Variants in TRDN observed in about 807,000 individuals in gnomAD.
TRDN encodes the protein triadin, also known as triadin in skeletal muscle.
TRDN carries 161 observed loss-of-function variants against 149.7 expected under a neutral mutation model. The observed-to-expected ratio is 1.08, with a 90% CI of 0.95 to 1.23. TRDN has a LOEUF of 1.23. TRDN is among the 50% of genes most tolerant of loss of function. TRDN has a pLI of 0.00. For missense variants in TRDN, 896 were observed against 823.5 expected, an observed-to-expected ratio of 1.09 and a Z score of -1.08; for synonymous variants, 294 against 250.5, an observed-to-expected ratio of 1.17 and a Z score of -1.64.
chr6:123,557,703 C>T (rs1781748014), intron 2 of TRDN, among the ~76,000 whole-genome samples: 1 of 152,040 alleles, frequency 6.6e-6, no homozygotes, highest in Non-Finnish European at 1.5e-5. Context: ...TGTCTTGGTC[C>T]TTCACCCTTA....
intron 24 of TRDN, 40 bp downstream of exon 24, chr6:123,316,417 G>A (rs377008785): frequency 3.2e-6 from 5 of 1,583,432 alleles, no homozygotes; most frequent in African/African-American, 2.7e-5. Flanking sequence ...CAACCAAACA[G>A]AACATCTCCT....
At chr6:123,554,776 G>T (rs1194597269) in intron 2 of TRDN, among the ~76,000 whole-genome samples, 3 of 152,138 alleles carry the variant, frequency 2.0e-5, no homozygotes, top group Non-Finnish European at 2.9e-5. Flanking sequence ...ATCTGAAGTG[G>T]TGGGTCAGTA....
At chr6:123,303,528 A>G (rs1313600504) in intron 24 of TRDN, among the ~76,000 whole-genome samples, 1 of 152,188 alleles carries the variant, frequency 6.6e-6, no homozygotes, top group East Asian at 1.9e-4. Flanking sequence ...GTTTACCGCT[A>G]GAAAGTCATG....
Position 123,216,377 on chromosome 6 carries a change from T to G in TRDN, c.*2224A>C, listed in dbSNP as rs535688833. 6.6e-6 allele frequency: 1 copy of G among 151,948 alleles called. No individual in the cohort carries two copies. Among genetic ancestry groups the G allele is most frequent in the African/African-American group, 2.4e-5 (1 of 41,424 alleles). 9.4% of individuals were successfully genotyped at this position (151,948 alleles called of 1,614,324 possible). A position where few individuals can be genotyped will look rare whatever the true frequency, so the allele number is the denominator to read the frequency against. On this transcript the variant is annotated 3_prime_UTR_variant, in exon 41 of 41. Coordinates refer to ENST00000334268, the MANE Select transcript of TRDN (RefSeq NM_006073.4). Reference sequence around the variant, plus strand: ...AACTATTTTATTAGACGGTAATATATAAACAAATGACAGTTCAGATAATAT... The same window carrying G: ...AACTATTTTATTAGACGGTAATATAGAAACAAATGACAGTTCAGATAATAT...
chr6:123,490,649 C>T (rs1031888424), intron 9 of TRDN, among the ~76,000 whole-genome samples: 2 of 152,104 alleles, frequency 1.3e-5, no homozygotes, highest in Non-Finnish European at 2.9e-5. Context: ...GCTAAAAGAG[C>T]ATGTCACAGT....
chr6:123,382,384 G>C (rs1050781373), intron 14 of TRDN, among the ~76,000 whole-genome samples: 1 of 151,058 alleles, frequency 6.6e-6, no homozygotes, highest in African/African-American at 2.4e-5. Flanking sequence ...ATTTTATAAA[G>C]AATATAAAAC....
At chr6:123,227,740 T>C (rs1775436539) in intron 38 of TRDN, among the ~76,000 whole-genome samples, 1 of 137,654 alleles carries the variant, frequency 7.3e-6, no homozygotes, top group South Asian at 2.4e-4. Flanking sequence ...TTTGTTTGTT[T>C]GTTTGTTTGT....
At chr6:123,460,753 T>A (rs977397593) in intron 10 of TRDN, among the ~76,000 whole-genome samples, 2 of 152,116 alleles carry the variant, frequency 1.3e-5, no homozygotes, top group East Asian at 1.9e-4. Flanking sequence ...TAGAATATTG[T>A]CTTCAGATGC....
chr6:123,276,069 C>T (rs185929742), intron 26 of TRDN, among the ~76,000 whole-genome samples: 37 of 152,160 alleles, frequency 2.4e-4, no homozygotes, highest in Admixed American at 1.8e-3. Flanking sequence ...GAACACTGCA[C>T]GGAGCCTCTT....
intron 24 of TRDN, among the ~76,000 whole-genome samples, chr6:123,283,384 A>T (rs1777670783): frequency 6.6e-6 from 1 of 151,930 alleles, no homozygotes; most frequent in African/African-American, 2.4e-5. Flanking sequence ...ACAAATAGAC[A>T]ATCTAAGGTC....
chr6:123,344,294 A>G (rs981943909), intron 21 of TRDN, among the ~76,000 whole-genome samples: 4 of 152,032 alleles, frequency 2.6e-5, no homozygotes, highest in Non-Finnish European at 5.9e-5. Flanking sequence ...ACCAAAGTCC[A>G]TAGTTTACAT....
intron 38 of TRDN, among the ~76,000 whole-genome samples, chr6:123,231,358 G>GT (rs962127889): frequency 5.9e-5 from 9 of 152,020 alleles, no homozygotes; most frequent in African/African-American, 2.2e-4. Context: ...GATCAAAGAA[G>GT]TTTTTTATGG....
At chr6:123,433,162 A>ATT (rs796874348) in intron 12 of TRDN, among the ~76,000 whole-genome samples, 17 of 80,034 alleles carry the variant, frequency 2.1e-4, no homozygotes, top group South Asian at 9.7e-4. Flanking sequence ...ATATATATAT[A>ATT]ATATATATAT....
chr6:123,237,409 C>T (rs556406312), intron 38 of TRDN, among the ~76,000 whole-genome samples: 19 of 152,048 alleles, frequency 1.2e-4, no homozygotes, highest in Non-Finnish European at 2.1e-4. Context: ...GCCACCATGC[C>T]CGGCTAATTT....
At chr6:123,561,529 G>C (rs1781999466) in intron 2 of TRDN, among the ~76,000 whole-genome samples, 1 of 151,528 alleles carries the variant, frequency 6.6e-6, no homozygotes, top group Non-Finnish European at 1.5e-5. Flanking sequence ...CAAAAACTTG[G>C]ATAGAGCCTA....
intron 21 of TRDN, among the ~76,000 whole-genome samples, chr6:123,346,873 G>A (rs1184400490): frequency 6.6e-6 from 1 of 151,844 alleles, no homozygotes; most frequent in African/African-American, 2.4e-5. Flanking sequence ...CAGAAAGACT[G>A]GCAAACTCGA....
At chr6:123,341,536 T>TA (rs113229693) in intron 21 of TRDN, among the ~76,000 whole-genome samples, 12,941 of 151,860 alleles carry the variant, frequency 0.085, 1,790 homozygotes, top group African/African-American at 0.29. Context: ...GCAACCTGTG[T>TA]AATCCTCTAT....
chr6:123,519,472 G>GT (rs1779567189), intron 5 of TRDN, among the ~76,000 whole-genome samples: 1 of 78,014 alleles, frequency 1.3e-5, no homozygotes, highest in African/African-American at 3.6e-5. Context: ...CTGACCCTGT[G>GT]GTTTTTTTTT....
chr6:123,395,192 C>A (rs1772670717), intron 12 of TRDN, among the ~76,000 whole-genome samples: 1 of 152,004 alleles, frequency 6.6e-6, no homozygotes, highest in Non-Finnish European at 1.5e-5. Flanking sequence ...AAATTTGCAG[C>A]CAATTTTCCT....
Sources: gnomAD v4.1 joint callset for allele counts (sites outside exome capture counted in the v4.1 genomes callset) on GRCh38, gnomAD v4.1.1 for gene constraint, MANE v1.5 for transcripts, NCBI Gene and HGNC (gene_info 2026-07-23, HGNC 2026-07-21) for gene names.